Variants in GRID2 observed in about 807,000 individuals in gnomAD.
GRID2 encodes the protein glutamate ionotropic receptor delta type subunit 2, also known as glutamate receptor ionotropic, delta-2.
In GRID2, 33 loss-of-function variants were observed where a neutral mutation model predicts 114.8. The observed-to-expected ratio is 0.29, with a 90% CI of 0.22 to 0.38. The LOEUF is 0.38. GRID2 is among the 10% of genes least tolerant of loss of function. GRID2 has a pLI of 1.00. For synonymous variants in GRID2, 505 were observed against 449.9 expected (o/e 1.12, Z -1.55); for missense variants, 1,184 against 1,257.7 (o/e 0.94, Z 0.89).
At chr4:93,353,416 A>G (rs1437162941) in intron 8 of GRID2, among the ~76,000 whole-genome samples, 1 of 152,036 alleles carries the variant, frequency 6.6e-6, no homozygotes, top group East Asian at 1.9e-4. Flanking sequence ...CAGAAAGCTT[A>G]GAGAAAGAAT....
chr4:93,466,396 T>G (rs976045975), intron 11 of GRID2, among the ~76,000 whole-genome samples: 2 of 152,172 alleles, frequency 1.3e-5, no homozygotes, highest in Non-Finnish European at 2.9e-5. Context: ...ACAGCTTTAT[T>G]GAAGAGGCAG....
intron 2 of GRID2, among the ~76,000 whole-genome samples, chr4:92,791,112 CA>C (rs887396981): frequency 3.3e-5 from 5 of 150,012 alleles, no homozygotes; most frequent in South Asian, 2.1e-4. Flanking sequence ...ATTATCAGAA[CA>C]AAAAAAAATT....
At chr4:93,168,626 C>T (rs1738491597) in intron 4 of GRID2, among the ~76,000 whole-genome samples, 1 of 152,108 alleles carries the variant, frequency 6.6e-6, no homozygotes, top group African/African-American at 2.4e-5. Flanking sequence ...GGAGTTGACT[C>T]TGTTTTGGCT....
chr4:93,037,769 T>C (rs1024101137), intron 2 of GRID2, among the ~76,000 whole-genome samples: 3 of 152,216 alleles, frequency 2.0e-5, no homozygotes, highest in Non-Finnish European at 4.4e-5. Context: ...GCATTATTTC[T>C]GAGGCCTCTG....
At chr4:93,402,753 G>C (rs542802610) in intron 9 of GRID2, among the ~76,000 whole-genome samples, 1 of 151,912 alleles carries the variant, frequency 6.6e-6, no homozygotes, top group South Asian at 2.1e-4. Flanking sequence ...AAAATATCTA[G>C]AAGTTTATAT....
At chr4:93,147,499 A>G (rs1736375160) in intron 4 of GRID2, among the ~76,000 whole-genome samples, 1 of 152,208 alleles carries the variant, frequency 6.6e-6, no homozygotes, top group Non-Finnish European at 1.5e-5. Context: ...CTCATGGAAA[A>G]ACAGAAATAG....
chr4:93,676,797 C>A (rs114654737), intron 14 of GRID2, among the ~76,000 whole-genome samples: 166 of 150,786 alleles, frequency 1.1e-3, no homozygotes, highest in African/African-American at 4.0e-3. Flanking sequence ...TGAGAGTTTC[C>A]GCAAGATGGC....
intron 8 of GRID2, among the ~76,000 whole-genome samples, chr4:93,316,946 A>G (rs1482171589): frequency 1.3e-5 from 2 of 152,156 alleles, no homozygotes; most frequent in Middle Eastern, 3.2e-3. Context: ...CTTCATATTA[A>G]CATATGCATT....
At chr4:92,416,175 A>G (rs1731608766) in intron 1 of GRID2, among the ~76,000 whole-genome samples, 2 of 151,928 alleles carry the variant, frequency 1.3e-5, no homozygotes, top group Non-Finnish European at 2.9e-5. Flanking sequence ...AATTTTTTTC[A>G]TATGTTTGTT....
chr4:92,850,999 A>G (rs1743741650), intron 2 of GRID2, among the ~76,000 whole-genome samples: 1 of 151,950 alleles, frequency 6.6e-6, no homozygotes, highest in African/African-American at 2.4e-5. Context: ...ACGGTGAGAG[A>G]GGAGAGGCAG....
At chr4:93,198,814 G>A (rs1298247650) in intron 4 of GRID2, among the ~76,000 whole-genome samples, 1 of 152,120 alleles carries the variant, frequency 6.6e-6, no homozygotes, top group Non-Finnish European at 1.5e-5. Context: ...TAGACGTGAT[G>A]AATAGACTTG....
At chr4:93,621,322 C>G (rs189351811) in intron 13 of GRID2, among the ~76,000 whole-genome samples, 7 of 152,264 alleles carry the variant, frequency 4.6e-5, no homozygotes, top group Admixed American at 4.6e-4. Context: ...AGCATCTCTA[C>G]TTTGGGGTCT....
intron 2 of GRID2, among the ~76,000 whole-genome samples, chr4:92,645,932 T>G (rs1255704917): frequency 6.6e-6 from 1 of 151,784 alleles, no homozygotes; most frequent in African/African-American, 2.4e-5. Flanking sequence ...TTTAGAGAAG[T>G]CATCTTATGT....
rs1184003180 is a variant in GRID2, at chr4:93,638,301, C to CTTTTTT, written c.2360+11879_2360+11884dup. Reference sequence around the variant, plus strand: ...AAGAAAACATATTTAAAACTTGCATCTTTTTTTTTTTTTTTTTTAATTATA... The same window carrying CTTTTTT: ...AAGAAAACATATTTAAAACTTGCATCTTTTTTTTTTTTTTTTTTTTTTTTAATTATA... On this transcript the variant is annotated intron_variant, in intron 14 of 15. Transcript: ENST00000282020. Among the ~76,000 whole-genome samples, 10 of 77,314 alleles carry CTTTTTT rather than the reference C, an allele frequency of 1.3e-4. 1 individual carries two copies. The highest frequency in any genetic ancestry group is 2.4e-4 in the Non-Finnish European group (9 of 36,980). 50.7% of individuals were successfully genotyped at this position (77,314 alleles called of 152,430 possible).
chr4:92,507,604 C>T (rs1560677694), intron 1 of GRID2, among the ~76,000 whole-genome samples: 1 of 151,866 alleles, frequency 6.6e-6, no homozygotes, highest in Non-Finnish European at 1.5e-5. Context: ...ACAAGAGCTA[C>T]TTCTGTAAAA....
chr4:92,408,617 A>T (rs1437818817), intron 1 of GRID2, among the ~76,000 whole-genome samples: 1 of 146,904 alleles, frequency 6.8e-6, no homozygotes, highest in Non-Finnish European at 1.5e-5. Flanking sequence ...TAAGCATGGA[A>T]TATTTATTAT....
At chr4:92,383,609 C>T (rs776560967) in intron 1 of GRID2, among the ~76,000 whole-genome samples, 2 of 151,842 alleles carry the variant, frequency 1.3e-5, no homozygotes, top group African/African-American at 2.4e-5. Context: ...AGTATGTTTT[C>T]GGATCCTTTG....
intron 1 of GRID2, among the ~76,000 whole-genome samples, chr4:93,799,440 T>G (rs72659541): frequency 0.043 from 6,303 of 146,768 alleles, 251 homozygotes; most frequent in Admixed American, 0.13. Flanking sequence ...TGCAGCCCCT[T>G]TTTTTTTTTT....
chr4:93,588,123 G>A (rs938009693), intron 13 of GRID2, among the ~76,000 whole-genome samples: 2 of 151,946 alleles, frequency 1.3e-5, no homozygotes, highest in African/African-American at 4.8e-5. Context: ...AAAAAATATG[G>A]TCAAGAACTT....
Sources: allele counts gnomAD v4.1 joint callset (sites outside exome capture counted in the v4.1 genomes callset), GRCh38; gene constraint gnomAD v4.1.1; transcripts MANE v1.5; gene names NCBI Gene and HGNC (gene_info 2026-07-23, HGNC 2026-07-21).